CELF2: variants seen among roughly 807,000 people sequenced by gnomAD.
The protein encoded by CELF2 is CUG triplet repeat RNA-binding protein 2.
Under a neutral mutation model 62.6 loss-of-function variants are expected in CELF2, and 8 were observed. The observed-to-expected ratio is 0.13, with a 90% CI of 0.07 to 0.23. The LOEUF (loss-of-function observed/expected upper bound fraction) is 0.23, where lower values mean the gene tolerates loss of function less well. Among genes scored for constraint, CELF2 ranks in the 10% least tolerant of loss-of-function variants. The pLI is 1.00. For synonymous variants in CELF2, 258 were observed against 250.0 expected, an observed-to-expected ratio of 1.03 and a Z score of -0.30; for missense variants, 333 against 671.0, an observed-to-expected ratio of 0.50 and a Z score of 5.56.
At chr10:10,818,649 G>A (rs182481233) in intron 1 of CELF2, among the ~76,000 whole-genome samples, 1 of 150,412 alleles carries the variant, frequency 6.6e-6, no homozygotes, top group Non-Finnish European at 1.5e-5. Flanking sequence ...CACCTCCCAG[G>A]TTCAAGTGAT....
chr10:10,663,165 G>A, the CELF2 span, among the ~76,000 whole-genome samples: 1 of 152,178 alleles, frequency 6.6e-6, no homozygotes, highest in African/African-American at 2.4e-5. Context: ...CATTTTAAGC[G>A]TGCAGCAGCT....
chr10:10,625,889 T>A, the CELF2 span, among the ~76,000 whole-genome samples: 483 of 152,214 alleles, frequency 3.2e-3, 4 homozygotes, highest in African/African-American at 0.011. Flanking sequence ...AATGCTGTGG[T>A]CATTGTATCT....
the CELF2 span, among the ~76,000 whole-genome samples, chr10:10,532,719 TTTTAGGTA>T: frequency 5.9e-5 from 9 of 152,196 alleles, no homozygotes; most frequent in African/African-American, 1.9e-4. Context: ...TTTGTATCTC[TTTTAGGTA>T]TTTATCTTTG....
At chr10:10,748,671 C>T in the CELF2 span, among the ~76,000 whole-genome samples, 1 of 149,430 alleles carries the variant, frequency 6.7e-6, no homozygotes, top group African/African-American at 2.5e-5. Context: ...TAGCATGAAC[C>T]CAGAAGGCAG....
intron 1 of CELF2, among the ~76,000 whole-genome samples, chr10:10,864,196 C>G (rs1235766698): frequency 6.6e-6 from 1 of 152,084 alleles, no homozygotes; most frequent in East Asian, 1.9e-4. Flanking sequence ...AGCTCTGCCA[C>G]CAACCAACTT....
intron 1 of CELF2, among the ~76,000 whole-genome samples, chr10:10,898,252 C>A (rs1444512273): frequency 6.6e-6 from 1 of 152,180 alleles, no homozygotes; most frequent in African/African-American, 2.4e-5. Flanking sequence ...CAGTGTCTCA[C>A]CAAACCTAAT....
At chr10:11,174,074 T>C (rs1188313252) in intron 2 of CELF2, among the ~76,000 whole-genome samples, 1 of 152,204 alleles carries the variant, frequency 6.6e-6, no homozygotes, top group Non-Finnish European at 1.5e-5. Flanking sequence ...TAAGGAAATT[T>C]GTAGTGAACT....
At chr10:11,101,491 G>C (rs1029564920) in intron 1 of CELF2, among the ~76,000 whole-genome samples, 2 of 152,190 alleles carry the variant, frequency 1.3e-5, no homozygotes, top group Non-Finnish European at 2.9e-5. Context: ...CACCAGGAGA[G>C]TGTTAATGTC....
the CELF2 span, among the ~76,000 whole-genome samples, chr10:10,598,822 C>T: frequency 3.2e-5 from 4 of 126,174 alleles, no homozygotes; most frequent in Non-Finnish European, 6.3e-5. Context: ...TGCGGGATCT[C>T]GGCTCACTGC....
At chr10:11,146,449 A>G (rs1458139590) in intron 1 of CELF2, among the ~76,000 whole-genome samples, 1 of 152,218 alleles carries the variant, frequency 6.6e-6, no homozygotes, top group Non-Finnish European at 1.5e-5. Flanking sequence ...AGCTTTCATA[A>G]TGAGGAAATA....
chr10:10,532,820 G>C, the CELF2 span, among the ~76,000 whole-genome samples: 25 of 149,124 alleles, frequency 1.7e-4, no homozygotes, highest in Non-Finnish European at 2.2e-4. Flanking sequence ...AAGATTAAAT[G>C]CTAAAATGAT....
At chr10:10,713,880 CA>C in the CELF2 span, among the ~76,000 whole-genome samples, 1 of 152,122 alleles carries the variant, frequency 6.6e-6, no homozygotes, top group Admixed American at 6.6e-5. Context: ...ACTAAAAATA[CA>C]AAACTTAGCT....
the CELF2 span, among the ~76,000 whole-genome samples, chr10:10,540,264 TA>T: frequency 6.6e-6 from 1 of 152,182 alleles, no homozygotes; most frequent in African/African-American, 2.4e-5. Flanking sequence ...ACTCACAGAC[TA>T]AAAACCCAAG....
intron 1 of CELF2, among the ~76,000 whole-genome samples, chr10:11,086,015 G>A (rs925946951): frequency 1.3e-5 from 2 of 152,156 alleles, no homozygotes; most frequent in African/African-American, 4.8e-5. Context: ...ACGTGAAAGT[G>A]CTTAGGAGAA....
upstream of CELF2, chr10:11,005,242 GAC>G (rs1248371814): frequency 2.8e-3 from 3,648 of 1,296,746 alleles, 3 homozygotes; most frequent in South Asian, 6.7e-3. The surrounding 1 kb of genome is among the most constrained non-coding windows in gnomAD (Gnocchi z 4.3). Flanking sequence ...AGAGTGGGAA[GAC>G]AGAGAGAGAG....
At chr10:10,577,721 G>T in the CELF2 span, among the ~76,000 whole-genome samples, 1 of 151,982 alleles carries the variant, frequency 6.6e-6, no homozygotes, top group African/African-American at 2.4e-5. Flanking sequence ...AGTATTCCAT[G>T]GTGTATATGT....
chr10:11,131,389 A>T (rs1478610139), intron 1 of CELF2, among the ~76,000 whole-genome samples: 2 of 152,226 alleles, frequency 1.3e-5, no homozygotes, highest in Admixed American at 1.3e-4. Context: ...CTTCCGCCCA[A>T]TGGTAAGATC....
intron 1 of CELF2, among the ~76,000 whole-genome samples, chr10:11,150,100 C>T (rs1406590296): frequency 2.0e-5 from 3 of 152,190 alleles, no homozygotes; most frequent in Admixed American, 1.3e-4. Flanking sequence ...TAGCTTTCAA[C>T]ATCAGTGATA....
chr10:11,187,589 G>C (rs1349163388), intron 2 of CELF2, among the ~76,000 whole-genome samples: 3 of 150,070 alleles, frequency 2.0e-5, no homozygotes, highest in Non-Finnish European at 4.4e-5. Context: ...CCCCCAACCT[G>C]TTCTTCCCTT....
Sources: allele counts gnomAD v4.1 joint callset (sites outside exome capture counted in the v4.1 genomes callset), GRCh38; gene constraint gnomAD v4.1.1; non-coding constraint Gnocchi (gnomAD v3.1); transcripts MANE v1.5; gene names NCBI Gene and HGNC (gene_info 2026-07-23, HGNC 2026-07-21).